Variants in RBFOX1 observed in about 807,000 individuals in gnomAD.
The protein encoded by RBFOX1 is RNA binding fox-1 homolog 1.
In RBFOX1, 8 loss-of-function variants were observed where a neutral mutation model predicts 57.7. The ratio of observed to expected loss-of-function variants is 0.14; its 90% CI spans 0.08 to 0.25. The LOEUF (loss-of-function observed/expected upper bound fraction) is 0.25, where lower values mean the gene tolerates loss of function less well. Ranked by LOEUF, RBFOX1 falls within the 10% of genes least tolerant of loss-of-function variation. The pLI is 1.00. For missense variants in RBFOX1, 611 were observed against 548.5 expected, an observed-to-expected ratio of 1.11 and a Z score of -1.14; for synonymous variants, 326 against 222.4, an observed-to-expected ratio of 1.47 and a Z score of -4.15.
At chr16:5,515,829 C>CT (rs1263616337) in intron 2 of RBFOX1, among the ~76,000 whole-genome samples, 1 of 152,138 alleles carries the variant, frequency 6.6e-6, no homozygotes, top group Non-Finnish European at 1.5e-5. Flanking sequence ...CGTAAGGCTC[C>CT]CTAAGTAGAT....
intron 14 of RBFOX1, among the ~76,000 whole-genome samples, chr16:7,706,288 T>C (rs1248735739): frequency 2.6e-5 from 4 of 152,174 alleles, no homozygotes; most frequent in Non-Finnish European, 4.4e-5. Flanking sequence ...AATAAAACCA[T>C]TGGATTCTGA....
chr16:6,912,816 C>G (rs1033712584), intron 3 of RBFOX1, among the ~76,000 whole-genome samples: 1 of 151,920 alleles, frequency 6.6e-6, no homozygotes, highest in Non-Finnish European at 1.5e-5. Context: ...GACTTTGTCC[C>G]ACTGTGTTGC....
Position 7,518,175 on chromosome 16 carries a change from A to T in RBFOX1, c.56A>T (p.Asp19Val), listed in dbSNP as rs145181717. The stretch of plus-strand genomic sequence containing the variant: ...AATCAGGAAGCAGCCGCTGCCCCTG[A>T]CACAATGGCTCAGCCTTACGCTTCG... ...RGNQEAAAAP[D>V]TMAQPYASAQ... Residue 19 changes from aspartate (D) to valine (V), a missense_variant, in exon 5 of 16, where the codon GAC (aspartate) becomes GTC (valine). Asp to Val is a radical substitution (Grantham distance 152). This residue lies in a region of RBFOX1 where 245 missense variants were observed against 159.1 expected (regional missense o/e 1.54). Coordinates refer to ENST00000550418, the MANE Select transcript of RBFOX1 (RefSeq NM_018723.4). 6.2e-7 allele frequency: 1 copy of T among 1,613,544 alleles called. No individual in the cohort carries two copies. Among genetic ancestry groups the T allele is most frequent in the Non-Finnish European group, 8.5e-7 (1 of 1,179,702 alleles).
intron 1 of RBFOX1, among the ~76,000 whole-genome samples, chr16:5,380,412 C>G (rs1156584271): frequency 2.0e-5 from 3 of 152,202 alleles, no homozygotes; most frequent in Non-Finnish European, 4.4e-5. Context: ...CAGCTGAACT[C>G]TAAAGCAAGC....
chr16:6,006,306 C>T (rs896103670), intron 4 of RBFOX1, among the ~76,000 whole-genome samples: 2 of 151,940 alleles, frequency 1.3e-5, no homozygotes, highest in African/African-American at 4.8e-5. Flanking sequence ...GATGGTTCAG[C>T]CCCGGGTATG....
chr16:6,812,270 G>T (rs1478001713), intron 3 of RBFOX1, among the ~76,000 whole-genome samples: 1 of 152,176 alleles, frequency 6.6e-6, no homozygotes, highest in African/African-American at 2.4e-5. Flanking sequence ...CAAAATGAAA[G>T]TATCTCCCTT....
At position 6,890,123 on chromosome 16, in the gene RBFOX1, T is replaced by C. The variant is rs374661687; in HGVS notation, c.-15-161934T>C. 6.6e-5 allele frequency among the ~76,000 whole-genome samples: 10 copies of C among 152,290 alleles called. 2 individuals are homozygous for C. Among genetic ancestry groups the C allele is most frequent in the East Asian group, 1.9e-4 (1 of 5,178 alleles). On this transcript the variant is annotated intron_variant, in intron 3 of 15. Coordinates refer to ENST00000550418, the MANE Select transcript of RBFOX1 (RefSeq NM_018723.4). ...GTACAATAAAGGAAAATAAATAATA[T>C]AGGTGGTAAGGTGAAAATGTGAAAG...
intron 3 of RBFOX1, among the ~76,000 whole-genome samples, chr16:6,821,439 A>G (rs2091283091): frequency 6.6e-6 from 1 of 152,202 alleles, no homozygotes; most frequent in South Asian, 2.1e-4. Flanking sequence ...TAAGTGAACA[A>G]TTCAGTGGCA....
chr16:7,547,309 A>C (rs889146954), intron 5 of RBFOX1, among the ~76,000 whole-genome samples: 6 of 152,236 alleles, frequency 3.9e-5, no homozygotes, highest in Non-Finnish European at 8.8e-5. Flanking sequence ...GTGATGACTT[A>C]CAAAGTCTGT....
At chr16:6,261,526 A>AG (rs2097701404) in intron 1 of RBFOX1, among the ~76,000 whole-genome samples, 1 of 152,162 alleles carries the variant, frequency 6.6e-6, no homozygotes, top group East Asian at 1.9e-4. Context: ...CAGGCTGCTG[A>AG]GCCATTTGCT....
chr16:6,833,398 C>T (rs916651657), intron 3 of RBFOX1, among the ~76,000 whole-genome samples: 1 of 152,092 alleles, frequency 6.6e-6, no homozygotes, highest in African/African-American at 2.4e-5. Context: ...AACTCCTGAC[C>T]TCAGGTGATC....
chr16:5,577,454 A>T (rs995112853), intron 2 of RBFOX1, among the ~76,000 whole-genome samples: 10 of 152,108 alleles, frequency 6.6e-5, no homozygotes, highest in Non-Finnish European at 1.3e-4. Context: ...ATGGTGCCTT[A>T]TTTGAGTTCA....
chr16:5,720,119 G>C (rs551165410), intron 3 of RBFOX1, among the ~76,000 whole-genome samples: 52 of 152,282 alleles, frequency 3.4e-4, no homozygotes, highest in African/African-American at 1.2e-3. Context: ...CCATCTTAGT[G>C]AGTGTGAAGT....
At chr16:7,141,393 C>T (rs967886335) in intron 4 of RBFOX1, among the ~76,000 whole-genome samples, 5 of 151,470 alleles carry the variant, frequency 3.3e-5, no homozygotes, top group African/African-American at 1.2e-4. Context: ...CCTTAAAATA[C>T]AGCTTGGGCG....
intron 3 of RBFOX1, among the ~76,000 whole-genome samples, chr16:6,892,427 T>C (rs2065673153): frequency 1.3e-5 from 2 of 152,076 alleles, no homozygotes; most frequent in African/African-American, 2.4e-5. Flanking sequence ...TCCAGCACTT[T>C]AGGAGGCCGA....
At chr16:5,873,315 T>C (rs1195710197) in intron 4 of RBFOX1, among the ~76,000 whole-genome samples, 2 of 152,334 alleles carry the variant, frequency 1.3e-5, no homozygotes, top group East Asian at 3.9e-4. Flanking sequence ...TATGACTTAA[T>C]TCACATTGGA....
intron 14 of RBFOX1, among the ~76,000 whole-genome samples, chr16:7,692,889 A>AT (rs35856288): frequency 0.56 from 84,669 of 150,364 alleles, 24,040 homozygotes; most frequent in Admixed American, 0.59. Flanking sequence ...ACTTTTTCTT[A>AT]TTTTTTTTTG....
intron 2 of RBFOX1, among the ~76,000 whole-genome samples, chr16:5,513,248 C>A (rs367872834): frequency 2.8e-4 from 43 of 152,200 alleles, no homozygotes; most frequent in African/African-American, 1.0e-3. Flanking sequence ...TGGTTTTCAG[C>A]TCAGGGTATC....
intron 1 of RBFOX1, among the ~76,000 whole-genome samples, chr16:5,380,521 C>T (rs1279106232): frequency 6.6e-6 from 1 of 152,188 alleles, no homozygotes; most frequent in Non-Finnish European, 1.5e-5. Flanking sequence ...AGAGGGTCTC[C>T]AAGTCTTCAT....
Sources: gnomAD v4.1 joint callset for allele counts (sites outside exome capture counted in the v4.1 genomes callset) on GRCh38, gnomAD v4.1.1 for gene constraint, gnomAD v4.1.1 regional missense constraint, MANE v1.5 for transcripts, NCBI Gene and HGNC (gene_info 2026-07-23, HGNC 2026-07-21) for gene names.